The following MITF variants were observed in gnomAD, a reference collection of about 807,000 sequenced individuals.
MITF encodes the protein melanocyte inducing transcription factor.
In MITF, 17 loss-of-function variants were observed where a neutral mutation model predicts 60.5. That is an observed-to-expected ratio of 0.28 (90% CI 0.19 to 0.42). MITF has a LOEUF of 0.42. Among genes scored for constraint, MITF ranks in the 10% least tolerant of loss-of-function variants. MITF has a pLI of 1.00. For missense variants in MITF, 622 were observed against 683.5 expected (o/e 0.91, Z 1.00); for synonymous variants, 260 against 248.5 (o/e 1.05, Z -0.43).
intron 2 of MITF, among the ~76,000 whole-genome samples, chr3:69,922,174 C>G (rs2107434046): frequency 1.3e-5 from 2 of 152,238 alleles, no homozygotes; most frequent in Admixed American, 1.3e-4. Context: ...TGAGGTCTCG[C>G]TTTCTTTTCT....
intron 1 of MITF, among the ~76,000 whole-genome samples, chr3:69,838,850 G>A (rs1416769675): frequency 6.6e-6 from 1 of 152,164 alleles, no homozygotes; most frequent in African/African-American, 2.4e-5. Flanking sequence ...CCCAAGTGCT[G>A]AAAGAATTTG....
intron 1 of MITF, among the ~76,000 whole-genome samples, chr3:69,834,627 A>T (rs1381722159): frequency 6.6e-6 from 1 of 152,288 alleles, no homozygotes; most frequent in East Asian, 1.9e-4. Flanking sequence ...TAGTGCTGCA[A>T]TAAACATGGG....
chr3:69,901,028 G>C (rs17006593), intron 2 of MITF, among the ~76,000 whole-genome samples: 2,283 of 152,014 alleles, frequency 0.015, 23 homozygotes, highest in Middle Eastern at 0.048. Flanking sequence ...AAACCTATGA[G>C]GATGGAATGA....
rs756384799 is a variant in MITF at position 69,964,952 on chromosome 3, G to C, written c.1285G>C (p.Glu429Gln). 1.2e-6 allele frequency: 2 copies of C among 1,614,100 alleles called. No homozygotes were observed. Among genetic ancestry groups the C allele is most frequent in the African/African-American group, 1.3e-5 (1 of 75,016 alleles). Reference sequence around the variant, plus strand: ...GATCATCAAGCAAGAACCCGTTCTTGAGAACTGCAGCCAAGACCTCCTTCA... The same window carrying C: ...GATCATCAAGCAAGAACCCGTTCTTCAGAACTGCAGCCAAGACCTCCTTCA... ...NRIIKQEPVLENCSQDLLQHH... is the reference protein window; with the variant it reads ...NRIIKQEPVLQNCSQDLLQHH... Residue 429 changes from glutamate (E) to glutamine (Q), a missense_variant, in exon 10 of 10, where the codon GAG becomes CAG. Coordinates refer to ENST00000352241, the MANE Select transcript of MITF (RefSeq NM_001354604.2).
intron 1 of MITF, among the ~76,000 whole-genome samples, chr3:69,776,908 T>C (rs192789144): frequency 1.3e-5 from 2 of 152,360 alleles, no homozygotes; most frequent in African/African-American, 4.8e-5. Flanking sequence ...ATAGAACTTA[T>C]ATTCGAAGTG....
chr3:69,784,485 G>T (rs898485802), intron 1 of MITF, among the ~76,000 whole-genome samples: 2 of 152,136 alleles, frequency 1.3e-5, no homozygotes, highest in African/African-American at 4.8e-5. Context: ...CTGAGTTTTA[G>T]TGTCAAAGAT....
At chr3:69,792,321 G>A (rs760357869) in intron 1 of MITF, among the ~76,000 whole-genome samples, 2 of 152,070 alleles carry the variant, frequency 1.3e-5, no homozygotes, top group African/African-American at 2.4e-5. Flanking sequence ...AGCACTCACT[G>A]GTAAAAATAG....
chr3:69,788,770 A>ATGC (rs1188438779), intron 1 of MITF, among the ~76,000 whole-genome samples: 1 of 152,212 alleles, frequency 6.6e-6, no homozygotes, highest in African/African-American at 2.4e-5. Flanking sequence ...ATGTAATAGA[A>ATGC]TAGAGAGCTC....
chr3:69,926,681 C>A (rs566403387), intron 2 of MITF, among the ~76,000 whole-genome samples: 6 of 152,124 alleles, frequency 3.9e-5, no homozygotes, highest in Admixed American at 6.5e-5. Flanking sequence ...GGGATCTGGA[C>A]GGTCCTGACA....
chr3:69,822,502 C>T (rs896606375), intron 1 of MITF, among the ~76,000 whole-genome samples: 3 of 152,176 alleles, frequency 2.0e-5, no homozygotes, highest in Admixed American at 6.5e-5. Context: ...TAAAAAGTCA[C>T]ACCAAAACAC....
intron 3 of MITF, chr3:69,938,887 C>T (rs901459429): frequency 4.8e-6 from 7 of 1,451,056 alleles, no homozygotes; most frequent in Admixed American, 5.3e-5. Context: ...ATGCCCAAAC[C>T]AACTGCTTTA....
chr3:69,744,806 T>G (rs79490803), intron 1 of MITF, among the ~76,000 whole-genome samples: 203 of 152,356 alleles, frequency 1.3e-3, no homozygotes, highest in African/African-American at 4.7e-3. Context: ...TATTTTACAC[T>G]TTGTATCTTT....
chr3:69,839,795 C>T (rs942707984), intron 1 of MITF, among the ~76,000 whole-genome samples: 1 of 151,152 alleles, frequency 6.6e-6, no homozygotes, highest in African/African-American at 2.4e-5. Context: ...TTTTGAAAAA[C>T]GAAAACGTTC....
chr3:69,867,909 T>C (rs571885112), intron 1 of MITF, among the ~76,000 whole-genome samples: 1 of 152,352 alleles, frequency 6.6e-6, no homozygotes, highest in South Asian at 2.1e-4. Context: ...CAAACACGTT[T>C]GACAAAACTT....
rs572593724 is a variant in MITF, at chr3:69,809,405, C to T, written c.104+69704C>T. 3.9e-5 allele frequency among the ~76,000 whole-genome samples: 6 copies of T among 152,200 alleles called. No individual in the cohort carries two copies. The East Asian group carries it at 1.2e-3, about 29-fold the overall frequency. Reference sequence around the variant, plus strand: ...TTTAGGATGCCAGAACAATAATCTTCTAAATAATACCCTGGTGCCTTGAAG... The same window carrying T: ...TTTAGGATGCCAGAACAATAATCTTTTAAATAATACCCTGGTGCCTTGAAG... On this transcript the variant is annotated intron_variant, in intron 1 of 9. Coordinates refer to ENST00000352241, the MANE Select transcript of MITF (RefSeq NM_001354604.2).
intron 1 of MITF, among the ~76,000 whole-genome samples, chr3:69,814,341 T>G (rs963995975): frequency 6.6e-6 from 1 of 152,156 alleles, no homozygotes; most frequent in Non-Finnish European, 1.5e-5. Flanking sequence ...ATTCTATATA[T>G]TTTTGTTATT....
At chr3:69,855,287 A>G (rs1021600970) in intron 1 of MITF, among the ~76,000 whole-genome samples, 2 of 151,380 alleles carry the variant, frequency 1.3e-5, no homozygotes, top group Non-Finnish European at 2.9e-5. Context: ...AAACACTTAA[A>G]GAAAAAAAAG....
chr3:69,744,664 G>A (rs1295221935), intron 1 of MITF, among the ~76,000 whole-genome samples: 2 of 152,162 alleles, frequency 1.3e-5, no homozygotes, highest in African/African-American at 2.4e-5. Flanking sequence ...AGCGAACCTG[G>A]CATTTTGGAA....
At chr3:69,827,422 T>A (rs1167974276) in intron 1 of MITF, among the ~76,000 whole-genome samples, 1 of 152,222 alleles carries the variant, frequency 6.6e-6, no homozygotes, top group Non-Finnish European at 1.5e-5. Context: ...AACAAAGGCT[T>A]AATGAGCACT....
Sources: gnomAD v4.1 joint callset for allele counts (sites outside exome capture counted in the v4.1 genomes callset) on GRCh38, gnomAD v4.1.1 for gene constraint, MANE v1.5 for transcripts, NCBI Gene and HGNC (gene_info 2026-07-23, HGNC 2026-07-21) for gene names.